Variants in MAP4K3 observed in about 807,000 individuals in gnomAD.
MAP4K3 encodes mitogen-activated protein kinase kinase kinase kinase 3.
Under a neutral mutation model 143.5 loss-of-function variants are expected in MAP4K3, and 94 were observed. That is an observed-to-expected ratio of 0.65 (90% CI 0.55 to 0.78). The LOEUF (loss-of-function observed/expected upper bound fraction) is 0.78, where lower values mean the gene tolerates loss of function less well. MAP4K3 is among the 30% of genes least tolerant of loss of function. The probability of loss-of-function intolerance (pLI) is 0.00; values close to 1 mark genes in which losing one functional copy is unlikely to be tolerated. For synonymous variants in MAP4K3, 416 were observed against 347.2 expected (o/e 1.20, Z -2.20); for missense variants, 1,077 against 1,068.1 (o/e 1.01, Z -0.12).
At chr2:39,373,044 C>A (rs1301707479) in intron 2 of MAP4K3, among the ~76,000 whole-genome samples, 1 of 152,120 alleles carries the variant, frequency 6.6e-6, no homozygotes, top group Non-Finnish European at 1.5e-5. Flanking sequence ...ACTCATCTGA[C>A]AAGGGATTAA....
chr2:39,291,171 G>A (rs144214436), intron 18 of MAP4K3, among the ~76,000 whole-genome samples: 2,676 of 152,288 alleles, frequency 0.018, 87 homozygotes, highest in African/African-American at 0.059. Context: ...TGTTTGAGAT[G>A]ATGGATATGC....
intron 1 of MAP4K3, among the ~76,000 whole-genome samples, chr2:39,432,608 T>A (rs1047567640): frequency 2.0e-5 from 3 of 152,224 alleles, no homozygotes; most frequent in Non-Finnish European, 4.4e-5. Context: ...CCTTATCCGT[T>A]AGGTTTAAGA....
chr2:39,334,002 T>G (rs1403345343), intron 6 of MAP4K3, among the ~76,000 whole-genome samples: 1 of 151,264 alleles, frequency 6.6e-6, no homozygotes, highest in East Asian at 1.9e-4. Context: ...TGTGTGTGTT[T>G]TTAAAAGAAC....
chr2:39,399,605 T>A (rs1270161684), intron 1 of MAP4K3, among the ~76,000 whole-genome samples: 8 of 152,258 alleles, frequency 5.3e-5, no homozygotes, highest in African/African-American at 1.9e-4. Flanking sequence ...TTTAGGAACT[T>A]AAGTAGTTAA....
At chr2:39,434,653 C>T (rs1363531276) in intron 1 of MAP4K3, among the ~76,000 whole-genome samples, 1 of 152,268 alleles carries the variant, frequency 6.6e-6, no homozygotes, top group Non-Finnish European at 1.5e-5. Flanking sequence ...AGAGGCAGCA[C>T]TGCCAATTGG....
At chr2:39,396,436 T>C (rs984629077) in intron 1 of MAP4K3, among the ~76,000 whole-genome samples, 6 of 151,852 alleles carry the variant, frequency 4.0e-5, no homozygotes, top group African/African-American at 1.2e-4. Context: ...CTTCTACCAA[T>C]ATCTTTTACT....
intron 15 of MAP4K3, chr2:39,303,158 C>T (rs1054192094): frequency 6.0e-6 from 1 of 166,940 alleles, no homozygotes; most frequent in Non-Finnish European, 1.5e-5. Context: ...AGCAATATAT[C>T]TTGACCAAGA....
chr2:39,338,248 A>G (rs1665035738), intron 4 of MAP4K3, among the ~76,000 whole-genome samples: 1 of 152,206 alleles, frequency 6.6e-6, no homozygotes, highest in African/African-American at 2.4e-5. Flanking sequence ...TAAACATCAA[A>G]AGAAACGATG....
intron 23 of MAP4K3, among the ~76,000 whole-genome samples, chr2:39,279,715 T>A (rs1025118524): frequency 1.3e-5 from 2 of 152,076 alleles, no homozygotes; most frequent in Non-Finnish European, 2.9e-5. Context: ...TTTGGGAGGC[T>A]GAGGCGACAA....
chr2:39,304,883 A>G (rs1682642748), intron 15 of MAP4K3, among the ~76,000 whole-genome samples: 1 of 152,224 alleles, frequency 6.6e-6, no homozygotes, highest in South Asian at 2.1e-4. Context: ...CTTAAAAAGG[A>G]AATTCTGACA....
intron 18 of MAP4K3, among the ~76,000 whole-genome samples, chr2:39,291,429 A>T (rs572920811): frequency 1.9e-3 from 290 of 152,340 alleles, no homozygotes; most frequent in African/African-American, 6.7e-3. Context: ...TTATGAAATA[A>T]ATGATACAGT....
intron 6 of MAP4K3, among the ~76,000 whole-genome samples, chr2:39,336,607 C>T (rs1477946565): frequency 6.8e-6 from 1 of 147,748 alleles, no homozygotes. Context: ...ATAAAACTTA[C>T]TAAAAACTAT....
chr2:39,334,794 T>A (rs1198559393), intron 6 of MAP4K3, among the ~76,000 whole-genome samples: 1 of 152,170 alleles, frequency 6.6e-6, no homozygotes, highest in Non-Finnish European at 1.5e-5. Flanking sequence ...CCAATTCCCA[T>A]GGAGTTTACA....
rs1212515116 is a variant in MAP4K3 at position 39,356,291 on chromosome 2, C to T, written c.203G>A (p.Cys68Tyr). Residue 68 changes from cysteine (C) to tyrosine (Y), a missense_variant, in exon 3 of 34, where the codon TGT becomes TAT. Around this residue, in one of 2 missense-constraint regions of MAP4K3, gnomAD observed 213 missense variants for 266.8 expected, o/e 0.80. Transcript: ENST00000263881. ...ATAAGCAACAATATTTGGGTGTTTA[C>T]AGTCTTTCATCATAATAATTTCTTG... is the stretch of plus-strand genomic sequence containing the variant. ...VQQEIIMMKD[C>Y]KHPNIVAYFG... The T allele has an allele frequency of 6.2e-7, 1 of 1,603,778 alleles. No individual in the cohort carries two copies. The highest frequency in any genetic ancestry group is 1.3e-5 in the African/African-American group (1 of 74,624).
At chr2:39,327,211 A>G (rs1683519905) in intron 8 of MAP4K3, among the ~76,000 whole-genome samples, 2 of 152,206 alleles carry the variant, frequency 1.3e-5, no homozygotes, top group Non-Finnish European at 2.9e-5. Flanking sequence ...TTACTTCACC[A>G]AAACTATTCC....
Position 39,252,864 on chromosome 2 carries a change from C to T in MAP4K3, c.2542-979G>A, listed in dbSNP as rs3770676. 1.7e-3 allele frequency among the ~76,000 whole-genome samples: 259 copies of T among 152,262 alleles called. 6 individuals carry two copies. In the East Asian group the frequency reaches 0.024, roughly 14 times the overall value. On this transcript the variant is annotated intron_variant, in intron 32 of 33. Transcript: ENST00000263881. ...TGTGGCTCATCATGACTGTGATTAC[C>T]AATATATTTTGGGGTTTGCCTACTA...
intron 24 of MAP4K3, among the ~76,000 whole-genome samples, chr2:39,276,867 C>A (rs773272109): frequency 1.3e-5 from 2 of 152,140 alleles, no homozygotes; most frequent in African/African-American, 2.4e-5. Context: ...TGGGGAATGA[C>A]CACTAATGAT....
intron 1 of MAP4K3, among the ~76,000 whole-genome samples, chr2:39,406,387 A>G (rs1257811105): frequency 1.3e-5 from 2 of 152,196 alleles, no homozygotes; most frequent in Non-Finnish European, 2.9e-5. Flanking sequence ...AGAAGGTTAT[A>G]AAACACCAGC....
At chr2:39,369,867 T>C (rs1042632415) in intron 2 of MAP4K3, among the ~76,000 whole-genome samples, 1 of 152,220 alleles carries the variant, frequency 6.6e-6, no homozygotes, top group Non-Finnish European at 1.5e-5. Context: ...GAATTAAGTC[T>C]TTCTAGTCAC....
Sources: gnomAD v4.1 joint callset for allele counts (sites outside exome capture counted in the v4.1 genomes callset) on GRCh38, gnomAD v4.1.1 for gene constraint, gnomAD v4.1.1 regional missense constraint, MANE v1.5 for transcripts, NCBI Gene and HGNC (gene_info 2026-07-23, HGNC 2026-07-21) for gene names.